SHC3: variants seen among roughly 807,000 people sequenced by gnomAD.
SHC3 encodes SHC-transforming protein 3.
In SHC3, 15 loss-of-function variants were observed where a neutral mutation model predicts 60.4. That is an observed-to-expected ratio of 0.25 (90% CI 0.17 to 0.38). SHC3 has a LOEUF of 0.38. Among genes scored for constraint, SHC3 ranks in the 10% least tolerant of loss-of-function variants. The pLI is 1.00. For synonymous variants in SHC3, 294 were observed against 325.9 expected, an observed-to-expected ratio of 0.90 and a Z score of 1.05; for missense variants, 677 against 786.1, an observed-to-expected ratio of 0.86 and a Z score of 1.66.
chr9:89,037,967 C>A, intron 11 of SHC3, 26 bp downstream of exon 11: 1 of 1,599,314 alleles, frequency 6.3e-7, no homozygotes, highest in Non-Finnish European at 8.5e-7. Flanking sequence ...CTGGCAGGTC[C>A]GGCCCCACCC....
At chr9:89,068,733 A>T (rs1452175101) in intron 5 of SHC3, among the ~76,000 whole-genome samples, 2 of 152,304 alleles carry the variant, frequency 1.3e-5, no homozygotes, top group Admixed American at 6.5e-5. Context: ...GTGCATCCTG[A>T]AAATAAAATA....
At chr9:89,118,227 T>C (rs1353055346) in intron 1 of SHC3, among the ~76,000 whole-genome samples, 7 of 151,652 alleles carry the variant, frequency 4.6e-5, no homozygotes, top group Admixed American at 4.6e-4. Flanking sequence ...CCTATTTTTT[T>C]TTTTTTTTTG....
intron 1 of SHC3, among the ~76,000 whole-genome samples, chr9:89,150,681 T>G (rs1033321970): frequency 2.6e-5 from 4 of 152,152 alleles, no homozygotes; most frequent in Non-Finnish European, 4.4e-5. Flanking sequence ...TGTGTACAAG[T>G]TTTTGTGTAA....
intron 1 of SHC3, among the ~76,000 whole-genome samples, chr9:89,143,576 G>A (rs554136305): frequency 5.3e-5 from 8 of 152,108 alleles, no homozygotes; most frequent in Admixed American, 2.6e-4. Flanking sequence ...GTTGGGAAAC[G>A]CATCATTGTA....
At position 89,008,763 on chromosome 9, in the gene SHC3, G is replaced by A. The variant is rs1463384889; in HGVS notation, c.*4684C>T. 1 of 151,888 alleles carries A rather than the reference G, an allele frequency of 6.6e-6. No individual in the cohort carries two copies. Among genetic ancestry groups the A allele is most frequent in the Non-Finnish European group, 1.5e-5 (1 of 68,036 alleles). 9.4% of individuals were successfully genotyped at this position (151,888 alleles called of 1,614,324 possible). On this transcript the variant is annotated 3_prime_UTR_variant, in exon 12 of 12. Coordinates refer to ENST00000375835, the MANE Select transcript of SHC3 (RefSeq NM_016848.6). Reference sequence around the variant, plus strand: ...CTCCCCGCCTTGCTGGGTGAACTCTGGGGTGTCAGCTCTGTCTCTCGGGGT... The same window carrying A: ...CTCCCCGCCTTGCTGGGTGAACTCTAGGGTGTCAGCTCTGTCTCTCGGGGT...
At chr9:89,075,978 A>G (rs1384828529) in intron 3 of SHC3, among the ~76,000 whole-genome samples, 1 of 151,452 alleles carries the variant, frequency 6.6e-6, no homozygotes, top group Non-Finnish European at 1.5e-5. Flanking sequence ...GGATTAGAAC[A>G]CTCTCTCTTT....
chr9:89,121,740 G>C (rs747351332), intron 1 of SHC3, among the ~76,000 whole-genome samples: 4 of 152,176 alleles, frequency 2.6e-5, no homozygotes, highest in Non-Finnish European at 1.5e-5. Context: ...TCCAGTATTG[G>C]AAATGATGCA....
At chr9:89,095,582 T>C (rs1825689741) in intron 2 of SHC3, among the ~76,000 whole-genome samples, 1 of 152,072 alleles carries the variant, frequency 6.6e-6, no homozygotes, top group Non-Finnish European at 1.5e-5. Context: ...CTGTGAAAAA[T>C]GGTTTCAATG....
chr9:89,013,560 T>A lies in SHC3; in HGVS notation c.1672A>T (p.Arg558Ter), dbSNP rs1826044692. The change falls in exon 12 of 12, where the codon AGA (arginine) becomes TGA (stop). Residue 558 changes from arginine (R) to a stop codon, truncating the protein, a stop_gained. Coordinates refer to ENST00000375835, the MANE Select transcript of SHC3 (RefSeq NM_016848.6). LOFTEE classifies it high-confidence loss of function. The part of the protein sequence containing the change: ...DPEGTIRTKD[R>*]VFDSISHLIN... The stretch of plus-strand genomic sequence containing the variant: ...AGGTGGCTGATACTGTCAAAGACTC[T>A]GTCCTTTGTCCGGATCTATGAATGA... 6.2e-7 allele frequency: 1 copy of A among 1,612,764 alleles called. No homozygotes were observed. Among genetic ancestry groups the A allele is most frequent in the African/African-American group, 1.3e-5 (1 of 74,756 alleles).
chr9:89,106,642 C>G (rs980427831), intron 2 of SHC3, among the ~76,000 whole-genome samples: 4 of 152,178 alleles, frequency 2.6e-5, no homozygotes, highest in Non-Finnish European at 5.9e-5. Context: ...CCAGATGGTC[C>G]TGGGGGTGGT....
Position 89,070,571 on chromosome 9 carries a change from T to C in SHC3, c.783+628A>G, listed in dbSNP as rs185067449. Among the ~76,000 whole-genome samples, 22 of 152,346 alleles carry C rather than the reference T, an allele frequency of 1.4e-4. No individual in the cohort carries two copies. In the East Asian group the frequency reaches 1.7e-3, roughly 12 times the overall value. On this transcript the variant is annotated intron_variant, in intron 5 of 11. Coordinates refer to ENST00000375835, the MANE Select transcript of SHC3 (RefSeq NM_016848.6). ...TCTGAAGCTGGATGCTGACATCCTA[T>C]TGTAGCATTCCCGCCCAAATGTGGG... is the stretch of plus-strand genomic sequence containing the variant.
intron 2 of SHC3, among the ~76,000 whole-genome samples, chr9:89,111,678 G>A (rs1468871332): frequency 2.6e-5 from 4 of 152,110 alleles, no homozygotes; most frequent in Non-Finnish European, 5.9e-5. Flanking sequence ...ATTGAGGTGT[G>A]TATGTTTCTT....
At chr9:89,119,003 A>G (rs575796946) in intron 1 of SHC3, among the ~76,000 whole-genome samples, 17 of 152,298 alleles carry the variant, frequency 1.1e-4, no homozygotes, top group African/African-American at 3.8e-4. Context: ...AGAAACTAGT[A>G]TCTCAGGAGA....
rs531687343 is a variant in SHC3, at chr9:89,059,784, G to A, written c.835+5745C>T. ...GTGGAGGATGGTGGTGGAGGATGGT[G>A]GTGGAGGACGTTGTGGAGGATGGTG... On this transcript the variant is annotated intron_variant, in intron 6 of 11. Transcript: ENST00000375835. 3.1e-4 allele frequency among the ~76,000 whole-genome samples: 46 copies of A among 149,200 alleles called. No individual in the cohort carries two copies. In the South Asian group the frequency reaches 4.6e-3, roughly 15 times the overall value.
chr9:89,145,026 A>G (rs1564177666), intron 1 of SHC3, among the ~76,000 whole-genome samples: 4 of 152,068 alleles, frequency 2.6e-5, no homozygotes. Flanking sequence ...TTTTTTTCCC[A>G]TTTAAAAATC....
At chr9:89,057,757 T>TA (rs1192428025) in intron 6 of SHC3, among the ~76,000 whole-genome samples, 4 of 151,992 alleles carry the variant, frequency 2.6e-5, no homozygotes, top group African/African-American at 9.7e-5. Flanking sequence ...AATAAATAAA[T>TA]AAAAATATAC....
chr9:89,059,856 G>GTTCTAGAAGAC (rs1825051421), intron 6 of SHC3, among the ~76,000 whole-genome samples: 1 of 123,330 alleles, frequency 8.1e-6, no homozygotes, highest in Non-Finnish European at 1.9e-5. Flanking sequence ...GGTGGAGGAT[G>GTTCTAGAAGAC]GTGGTGGAGG....
chr9:89,036,397 C>T (rs979187199), intron 11 of SHC3, among the ~76,000 whole-genome samples: 2 of 152,288 alleles, frequency 1.3e-5, no homozygotes, highest in Non-Finnish European at 1.5e-5. Flanking sequence ...TGCTGGTGTG[C>T]GCCTTAGTAG....
chr9:89,122,808 T>C (rs755548996), intron 1 of SHC3, among the ~76,000 whole-genome samples: 9 of 150,694 alleles, frequency 6.0e-5, no homozygotes, highest in Non-Finnish European at 1.0e-4. Flanking sequence ...GGTGGGGGAG[T>C]AGGAATTGTG....
Sources: allele counts gnomAD v4.1 joint callset (sites outside exome capture counted in the v4.1 genomes callset), GRCh38; gene constraint gnomAD v4.1.1; transcripts MANE v1.5; gene names NCBI Gene and HGNC (gene_info 2026-07-23, HGNC 2026-07-21).